NPAS4: variants seen among roughly 807,000 people sequenced by gnomAD.
NPAS4 encodes the protein neuronal PAS domain-containing protein 4.
NPAS4 carries 10 observed loss-of-function variants against 64.0 expected under a neutral mutation model. The ratio of observed to expected loss-of-function variants is 0.16; its 90% CI spans 0.10 to 0.26. The LOEUF is 0.26. Ranked by LOEUF, NPAS4 falls within the 10% of genes least tolerant of loss-of-function variation. The pLI, the probability that NPAS4 is intolerant of heterozygous loss-of-function variation, is 1.00. For synonymous variants in NPAS4, 441 were observed against 411.7 expected, an observed-to-expected ratio of 1.07 and a Z score of -0.86; for missense variants, 886 against 992.6, an observed-to-expected ratio of 0.89 and a Z score of 1.44.
rs1856759977 is a variant in NPAS4 at position 66,422,489 on chromosome 11, C to A, written c.366C>A (p.Ile122=). Residue 122 remains isoleucine (I), a synonymous_variant, in exon 3 of 8, where the codon ATC becomes ATA. Transcript: ENST00000311034. ...CCCAGGGTGACAGCATCTACGACAT[C>A]ATTGACCCAGCTGACCACCTCACTG... The part of the protein sequence containing the change: ...LVAQGDSIYD[I]IDPADHLTVR... 1.2e-6 allele frequency: 2 copies of A among 1,614,008 alleles called. No individual in the cohort carries two copies. The highest frequency in any genetic ancestry group is 1.7e-5 in the Admixed American group (1 of 59,998).
the NPAS4 span, among the ~76,000 whole-genome samples, chr11:66,413,126 A>G: frequency 2.6e-3 from 392 of 152,350 alleles, 6 homozygotes; most frequent in African/African-American, 9.3e-3. Flanking sequence ...TCGCTATTTC[A>G]CCAAGTGCCA....
At chr11:66,414,172 A>T in the NPAS4 span, among the ~76,000 whole-genome samples, 1 of 152,150 alleles carries the variant, frequency 6.6e-6, no homozygotes, top group Non-Finnish European at 1.5e-5. Context: ...ACCTCACTGG[A>T]GGACCAGAAG....
In NPAS4 at chr11:66,423,928, C is replaced by T. The variant is rs144417328; in HGVS notation, c.1038C>T (p.Phe346=). The change falls in exon 7 of 8, where the codon TTC becomes TTT. Residue 346 remains phenylalanine (F), a synonymous_variant. Coordinates refer to ENST00000311034, the MANE Select transcript of NPAS4 (RefSeq NM_178864.4). Reference sequence around the variant, plus strand: ...GCACTCCGACCATGCTGCCCTCATTCCCTGAAAACATTCTTTCCCAGGAAG... The same window carrying T: ...GCACTCCGACCATGCTGCCCTCATTTCCTGAAAACATTCTTTCCCAGGAAG... ...VLGTPTMLPS[F]PENILSQEEC... 6.4e-4 allele frequency: 1,034 copies of T among 1,614,044 alleles called. 5 individuals are homozygous for T. The highest frequency in any genetic ancestry group is 5.7e-3 in the South Asian group (520 of 91,082).
In NPAS4 at chr11:66,422,144, G is replaced by C; in HGVS notation, c.200G>C (p.Gly67Ala). 1 of 1,614,072 alleles carries C rather than the reference G, an allele frequency of 6.2e-7. No homozygotes were observed. The highest frequency in any genetic ancestry group is 8.5e-7 in the Non-Finnish European group (1 of 1,180,028). Residue 67 changes from glycine to alanine, a missense_variant, in exon 2 of 8, where the codon GGG (glycine) becomes GCG (alanine). Around this residue, in one of 3 missense-constraint regions of NPAS4, gnomAD observed 820 missense variants for 855.5 expected, o/e 0.96. Transcript: ENST00000311034. ...GGCACTCCTCTGGCGGGCCCCACGGGGCTTCTCTCAGCTCAAGAGCTTGAG... is the reference window on the plus strand; with the variant it reads ...GGCACTCCTCTGGCGGGCCCCACGGCGCTTCTCTCAGCTCAAGAGCTTGAG... Reference protein sequence around the residue: ...AGGTPLAGPTGLLSAQELEDI... With the variant: ...AGGTPLAGPTALLSAQELEDI...
chr11:66,415,067 C>T, the NPAS4 span, among the ~76,000 whole-genome samples: 3 of 152,152 alleles, frequency 2.0e-5, no homozygotes, highest in Admixed American at 6.5e-5. Context: ...CCTGACAATT[C>T]GTTAATCACC....
chr11:66,421,035 G>C lies in NPAS4; in HGVS notation c.-145G>C. The C allele has an allele frequency of 1.5e-6, 1 of 689,518 alleles. No homozygotes were observed. The highest frequency in any genetic ancestry group is 2.4e-6 in the Non-Finnish European group (1 of 416,942). The allele number at this position is 689,518 out of a possible 1,614,324, so 42.7% of individuals were successfully genotyped here. On this transcript the variant is annotated 5_prime_UTR_variant, in exon 1 of 8. Transcript: ENST00000311034. ...TAAGGCGGCGTGAGGCAGGCGAGGGGGGCAGCGCAGCCGAGCGGAGCCCAG... is the reference window on the plus strand; with the variant it reads ...TAAGGCGGCGTGAGGCAGGCGAGGGCGGCAGCGCAGCCGAGCGGAGCCCAG...
At position 66,422,207 on chromosome 11, in the gene NPAS4, T is replaced by A; in HGVS notation, c.263T>A (p.Phe88Tyr). The A allele has an allele frequency of 6.2e-7, 1 of 1,614,082 alleles. No homozygotes were observed. The highest frequency in any genetic ancestry group is 8.5e-7 in the Non-Finnish European group (1 of 1,180,002). ...GCACTACCCGGCTTTCTGCTTGTGT[T>A]CACAGCCGAGGGGAAATTGCTCTAC... ...VAALPGFLLV[F>Y]TAEGKLLYLS... The change falls in exon 2 of 8, where the codon TTC (phenylalanine) becomes TAC (tyrosine). Residue 88 changes from phenylalanine to tyrosine, a missense_variant. Physicochemically the swap from Phe to Tyr is conservative, Grantham distance 22 (BLOSUM62 3). Transcript: ENST00000311034.
At position 66,423,820 on chromosome 11, in the gene NPAS4, T is replaced by C; in HGVS notation, c.945-15T>C. The C allele has an allele frequency of 6.2e-7, 1 of 1,603,584 alleles. No homozygotes were observed. The highest frequency in any genetic ancestry group is 1.1e-5 in the South Asian group (1 of 89,670). ...ACGTCGGACCCTTACCAGCTGCCTC[T>C]TCTCTCCTCTCCAGTGACATGGAAG... is the stretch of plus-strand genomic sequence containing the variant. On this transcript the variant is annotated splice_polypyrimidine_tract_variant and intron_variant, in intron 6 of 7. Coordinates refer to ENST00000311034, the MANE Select transcript of NPAS4 (RefSeq NM_178864.4).
At position 66,424,772 on chromosome 11, in the gene NPAS4, G is replaced by A. The variant is rs1285914381; in HGVS notation, c.1882G>A (p.Glu628Lys). The A allele has an allele frequency of 1.9e-6, 3 of 1,613,930 alleles. No individual in the cohort carries two copies. Among genetic ancestry groups the A allele is most frequent in the Non-Finnish European group, 1.7e-6 (2 of 1,180,022 alleles). Residue 628 changes from glutamate to lysine, a missense_variant, in exon 7 of 8, where the codon GAG (glutamate) becomes AAG (lysine). Transcript: ENST00000311034. ...GAGTTTCTTCCACTACTCTGAAAAG[G>A]AGCAGAATGAGATAGACCGTCTCAT... ...KQSFFHYSEK[E>K]QNEIDRLIQQ...
At chr11:66,418,841 C>T (rs2134637802), upstream of NPAS4, among the ~76,000 whole-genome samples, 1 of 152,294 alleles carries the variant, frequency 6.6e-6, no homozygotes. Flanking sequence ...CCCCGGCAAA[C>T]CGTAGCATGA....
chr11:66,416,181 C>T (rs1468519286), upstream of NPAS4, among the ~76,000 whole-genome samples: 2 of 152,154 alleles, frequency 1.3e-5, no homozygotes, highest in East Asian at 1.9e-4. Flanking sequence ...CTTTTTGTCC[C>T]TCTGCTTCAT....
At chr11:66,421,375 G>A (rs1341728368) in intron 1 of NPAS4, 21 bp downstream of exon 1, 3 of 1,608,636 alleles carry the variant, frequency 1.9e-6, no homozygotes, top group Non-Finnish European at 8.5e-7. Flanking sequence ...TGGGGCTACC[G>A]CAGATCCGAG....
intron 1 of NPAS4, 81 bp downstream of exon 1, chr11:66,421,435 G>A: frequency 2.3e-6 from 3 of 1,283,136 alleles, no homozygotes; most frequent in Admixed American, 1.8e-5. Context: ...TGGGGCTGTC[G>A]CATGTCTAGG....
Position 66,425,972 on chromosome 11 carries a change from G to A in NPAS4, c.2392G>A (p.Gly798Arg). 1 of 1,612,062 alleles carries A rather than the reference G, an allele frequency of 6.2e-7. No individual in the cohort carries two copies. Among genetic ancestry groups the A allele is most frequent in the Non-Finnish European group, 8.5e-7 (1 of 1,178,094 alleles). The change falls in exon 8 of 8, where the codon GGG becomes AGG. Residue 798 changes from glycine (G) to arginine (R), a missense_variant. By Grantham distance (125) the Gly-to-Arg change is moderately radical. Around this residue, in one of 3 missense-constraint regions of NPAS4, gnomAD observed 28 missense variants for 57.0 expected, o/e 0.49. Transcript: ENST00000311034. ...QDSFHEDGSG[G>R]EPTF ...CTATCTCTCTGCAGATGGAAGTGGA[G>A]GGGAACCAACGTTTTGAATAAGTCT...
At position 66,424,942 on chromosome 11, in the gene NPAS4, G is replaced by A. The variant is rs1319978306; in HGVS notation, c.2052G>A (p.Leu684=). Residue 684 remains leucine (L), a synonymous_variant, in exon 7 of 8, where the codon CTG becomes CTA. Coordinates refer to ENST00000311034, the MANE Select transcript of NPAS4 (RefSeq NM_178864.4). ...LSGAGPPVLS[L]DLKPWKCQEL... ...GGGCAGGCCCCCCTGTGCTCAGCCT[G>A]GACCTGAAACCCTGGAAATGCCAGG... The A allele has an allele frequency of 6.2e-7, 1 of 1,613,988 alleles. No individual in the cohort carries two copies. Among genetic ancestry groups the A allele is most frequent in the African/African-American group, 1.3e-5 (1 of 74,946 alleles).
the NPAS4 span, among the ~76,000 whole-genome samples, chr11:66,413,188 G>A: frequency 1.4e-4 from 22 of 152,234 alleles, no homozygotes; most frequent in Non-Finnish European, 2.5e-4. Context: ...GGCCTCAGCG[G>A]TAATGTCAGG....
upstream of NPAS4, among the ~76,000 whole-genome samples, chr11:66,419,987 G>A (rs1856715609): frequency 6.6e-6 from 1 of 152,184 alleles, no homozygotes; most frequent in Admixed American, 6.5e-5. Flanking sequence ...CGGTGCGGAG[G>A]CAGCCAGGCC....
Position 66,422,813 on chromosome 11 carries a change from T to C in NPAS4, c.570T>C (p.Ala190=). Reference sequence around the variant, plus strand: ...GGGCAGGAAATCCCGTGTTCACAGCTTTCTGTGCCCCTCTGGAGCCGAGAC... The same window carrying C: ...GGGCAGGAAATCCCGTGTTCACAGCCTTCTGTGCCCCTCTGGAGCCGAGAC... ...AYWAGNPVFT[A]FCAPLEPRPR... Residue 190 remains alanine, a synonymous_variant, in exon 4 of 8, where the codon GCT becomes GCC. Transcript: ENST00000311034. The C allele has an allele frequency of 1.9e-6, 3 of 1,614,174 alleles. No homozygotes were observed. The highest frequency in any genetic ancestry group is 2.5e-6 in the Non-Finnish European group (3 of 1,180,040).
Position 66,426,047 on chromosome 11 carries a change from G to T in NPAS4, c.*58G>T, listed in dbSNP as rs960391824. On this transcript the variant is annotated 3_prime_UTR_variant, in exon 8 of 8. Transcript: ENST00000311034. ...CATATTGTCATCAAGACGTGGAGCCGCTCTCCACCCCCCCGGGACTGTTGG... is the reference window on the plus strand; with the variant it reads ...CATATTGTCATCAAGACGTGGAGCCTCTCTCCACCCCCCCGGGACTGTTGG... 2.4e-6 allele frequency: 3 copies of T among 1,271,980 alleles called. No individual in the cohort carries two copies. The highest frequency in any genetic ancestry group is 2.4e-5 in the South Asian group (2 of 84,228). 78.8% of individuals were successfully genotyped at this position (1,271,980 alleles called of 1,614,324 possible). A position where few individuals can be genotyped will look rare whatever the true frequency, so the allele number is the denominator to read the frequency against.
Sources: gnomAD v4.1 joint callset for allele counts (sites outside exome capture counted in the v4.1 genomes callset) on GRCh38, gnomAD v4.1.1 for gene constraint, gnomAD v4.1.1 regional missense constraint, MANE v1.5 for transcripts, NCBI Gene and HGNC (gene_info 2026-07-23, HGNC 2026-07-21) for gene names.